Variants in HIRA observed in about 807,000 individuals in gnomAD.
HIRA encodes histone cell cycle regulator, also known as protein HIRA.
Under a neutral mutation model 126.6 loss-of-function variants are expected in HIRA, and 13 were observed. The ratio of observed to expected loss-of-function variants is 0.10; its 90% CI spans 0.07 to 0.16. HIRA has a LOEUF of 0.16. HIRA is among the 10% of genes least tolerant of loss of function. The pLI is 1.00. For synonymous variants in HIRA, 511 were observed against 520.0 expected (o/e 0.98, Z 0.24); for missense variants, 834 against 1,314.4 (o/e 0.63, Z 5.65).
rs1019278832 is a variant in HIRA, at chr22:19,353,524, A to G, written c.2685-5T>C. 1 of 1,592,748 alleles carries G rather than the reference A, an allele frequency of 6.3e-7. No homozygotes were observed. On this transcript the variant is annotated splice_polypyrimidine_tract_variant and splice_region_variant and intron_variant, in intron 22 of 24. Transcript: ENST00000263208. ...CGGGCAGCCTGCCTTCCCGAGCTGCAGAGACCAGGAGAGTTTCCATGATGG... is the reference window on the plus strand; with the variant it reads ...CGGGCAGCCTGCCTTCCCGAGCTGCGGAGACCAGGAGAGTTTCCATGATGG...
At chr22:19,381,184 T>A (rs922177742) in intron 13 of HIRA, among the ~76,000 whole-genome samples, 3 of 152,246 alleles carry the variant, frequency 2.0e-5, no homozygotes, top group Admixed American at 2.0e-4. Flanking sequence ...TATTTCTTTA[T>A]GTGCTCTGAG....
At chr22:19,358,161 G>C (rs2088831153) in intron 18 of HIRA, among the ~76,000 whole-genome samples, 1 of 152,126 alleles carries the variant, frequency 6.6e-6, no homozygotes, top group Non-Finnish European at 1.5e-5. Context: ...TACCACGCCT[G>C]GCTAATTTTT....
At position 19,359,504 on chromosome 22, in the gene HIRA, G is replaced by C; in HGVS notation, c.2086-20C>G. The C allele has an allele frequency of 6.3e-7, 1 of 1,583,456 alleles. No individual in the cohort carries two copies. Among genetic ancestry groups the C allele is most frequent in the Non-Finnish European group, 8.6e-7 (1 of 1,164,968 alleles). On this transcript the variant is annotated intron_variant, in intron 17 of 24. Coordinates refer to ENST00000263208, the MANE Select transcript of HIRA (RefSeq NM_003325.4). ...GCTGACCTGGATGAAGTAAACACAC[G>C]GGTCTGCTCAGACAAGGGCCGCAGC...
intron 17 of HIRA, among the ~76,000 whole-genome samples, chr22:19,360,416 G>A (rs1569295344): frequency 1.3e-5 from 2 of 152,204 alleles, no homozygotes. Context: ...CCAGCAATAA[G>A]AACAAACCCT....
rs781839302 is a variant in HIRA, at chr22:19,354,027, G to A, written c.2653C>T (p.Pro885Ser). 1 of 1,613,506 alleles carries A rather than the reference G, an allele frequency of 6.2e-7. No individual in the cohort carries two copies. Among genetic ancestry groups the A allele is most frequent in the Non-Finnish European group, 8.5e-7 (1 of 1,179,808 alleles). The stretch of plus-strand genomic sequence containing the variant: ...GTGCGGCCCTGGATTATGGCTAACG[G>A]TCCTGAGCACAGCATGGCGTCCTGG... ...PSQDAMLCSG[P>S]LAIIQGRTSN... is the part of the protein sequence containing the mutation. Residue 885 changes from proline (P) to serine (S), a missense_variant, in exon 22 of 25, where the codon CCG becomes TCG. Physicochemically the swap from Pro to Ser is moderately conservative, Grantham distance 74 (BLOSUM62 -1). Around this residue, in one of 5 missense-constraint regions of HIRA, gnomAD observed 468 missense variants for 574.2 expected, o/e 0.82. Coordinates refer to ENST00000263208, the MANE Select transcript of HIRA (RefSeq NM_003325.4).
intron 24 of HIRA, among the ~76,000 whole-genome samples, chr22:19,333,756 G>A (rs2088523619): frequency 6.6e-6 from 1 of 152,140 alleles, no homozygotes. Context: ...AAGTCTCTTA[G>A]ACTCTGTTTG....
chr22:19,388,238 T>C (rs1833201611), intron 10 of HIRA, among the ~76,000 whole-genome samples: 1 of 152,204 alleles, frequency 6.6e-6, no homozygotes, highest in Non-Finnish European at 1.5e-5. Context: ...ATTCTCCTCG[T>C]CTTAGACAAA....
At chr22:19,396,286 C>T (rs757961442) in intron 7 of HIRA, among the ~76,000 whole-genome samples, 5 of 152,172 alleles carry the variant, frequency 3.3e-5, no homozygotes, top group Admixed American at 2.6e-4. Context: ...GAAGCTGAAG[C>T]GGGTAGATCA....
At chr22:19,402,120 A>G (rs1294421845) in intron 5 of HIRA, among the ~76,000 whole-genome samples, 3 of 152,160 alleles carry the variant, frequency 2.0e-5, no homozygotes, top group Non-Finnish European at 4.4e-5. Context: ...CCAACTCCTT[A>G]CAGGACTCTG....
chr22:19,363,667 G>A (rs2088885909), intron 15 of HIRA, among the ~76,000 whole-genome samples: 1 of 152,122 alleles, frequency 6.6e-6, no homozygotes, highest in Non-Finnish European at 1.5e-5. Context: ...GGAGGCCAAG[G>A]TGGGCAGATC....
intron 15 of HIRA, among the ~76,000 whole-genome samples, chr22:19,371,118 C>T (rs1324624982): frequency 6.6e-6 from 1 of 152,236 alleles, no homozygotes; most frequent in African/African-American, 2.4e-5. Flanking sequence ...TGTAGTTTCT[C>T]TCAGGTGGGG....
chr22:19,402,710 C>T (rs2089278873), intron 5 of HIRA, among the ~76,000 whole-genome samples: 1 of 152,160 alleles, frequency 6.6e-6, no homozygotes, highest in African/African-American at 2.4e-5. Context: ...AATGACAGCA[C>T]CCATCATTGT....
At chr22:19,380,516 T>TAA (rs1399605148) in intron 13 of HIRA, among the ~76,000 whole-genome samples, 1 of 152,252 alleles carries the variant, frequency 6.6e-6, no homozygotes, top group African/African-American at 2.4e-5. Context: ...TGACAGCTTT[T>TAA]AAGTCTTAAT....
chr22:19,405,302 A>G lies in HIRA; in HGVS notation c.397+484T>C, dbSNP rs368492016. Among the ~76,000 whole-genome samples the G allele has an allele frequency of 5.9e-5, 9 of 152,340 alleles. No homozygotes were observed. In the East Asian group the frequency reaches 1.7e-3, roughly 29 times the overall value. ...TGGTATCCTTGACACCTGAGTGTAC[A>G]GTGCATGGGCAACCTTCCCCCTCAG... On this transcript the variant is annotated intron_variant, in intron 5 of 24. Coordinates refer to ENST00000263208, the MANE Select transcript of HIRA (RefSeq NM_003325.4).
At chr22:19,361,176 G>T in intron 17 of HIRA, 61 bp downstream of exon 17, 1 of 1,241,784 alleles carries the variant, frequency 8.1e-7, no homozygotes. Flanking sequence ...TTTGTATGCA[G>T]TAGGGGACAG....
intron 1 of HIRA, among the ~76,000 whole-genome samples, chr22:19,428,739 G>A (rs570253128): frequency 6.6e-6 from 1 of 152,160 alleles, no homozygotes; most frequent in South Asian, 2.1e-4. Context: ...TTGAGCCCAG[G>A]TATTTGAGTC....
At chr22:19,344,489 G>A (rs1556008368) in intron 24 of HIRA, among the ~76,000 whole-genome samples, 2 of 152,268 alleles carry the variant, frequency 1.3e-5, no homozygotes, top group South Asian at 2.1e-4. Context: ...GATCTCTAAT[G>A]AGCAAGAAAA....
chr22:19,354,644 T>C (rs575466897), intron 21 of HIRA, among the ~76,000 whole-genome samples: 2 of 152,358 alleles, frequency 1.3e-5, no homozygotes, highest in Admixed American at 6.5e-5. Flanking sequence ...TGTAAATGTG[T>C]CCAAAATACA....
At chr22:19,394,789 G>C (rs2089209769) in intron 7 of HIRA, among the ~76,000 whole-genome samples, 1 of 152,166 alleles carries the variant, frequency 6.6e-6, no homozygotes, top group South Asian at 2.1e-4. Flanking sequence ...CTGCAGGAAG[G>C]CTACCTGTTT....
Sources: allele counts gnomAD v4.1 joint callset (sites outside exome capture counted in the v4.1 genomes callset), GRCh38; gene constraint gnomAD v4.1.1; regional missense constraint gnomAD v4.1.1; transcripts MANE v1.5; gene names NCBI Gene and HGNC (gene_info 2026-07-23, HGNC 2026-07-21).